SOCS4: variants seen among roughly 807,000 people sequenced by gnomAD.
SOCS4 encodes suppressor of cytokine signaling 4.
In SOCS4, 20 loss-of-function variants were observed where a neutral mutation model predicts 34.1. The observed-to-expected ratio is 0.59, with a 90% CI of 0.41 to 0.85. The LOEUF (loss-of-function observed/expected upper bound fraction) is 0.85. SOCS4 is among the 40% of genes least tolerant of loss of function. SOCS4 has a pLI of 0.00. For synonymous variants in SOCS4, 180 were observed against 186.4 expected, an observed-to-expected ratio of 0.97 and a Z score of 0.28; for missense variants, 479 against 532.4, an observed-to-expected ratio of 0.90 and a Z score of 0.99.
rs1435311641 is a variant in SOCS4 at position 55,044,840 on chromosome 14, G to C, written c.*476G>C. The C allele has an allele frequency of 6.0e-6, 1 of 166,942 alleles. No individual in the cohort carries two copies. The highest frequency in any genetic ancestry group is 1.5e-5 in the Non-Finnish European group (1 of 68,122). 10.3% of individuals were successfully genotyped at this position (166,942 alleles called of 1,614,324 possible). A position where few individuals can be genotyped will look rare whatever the true frequency, so the allele number is the denominator to read the frequency against. On this transcript the variant is annotated 3_prime_UTR_variant, in exon 3 of 3. Transcript: ENST00000555846. ...AGTTCCCCGTCCCCCTTTTCATTGA[G>C]TTTGATATTCTTCAGTAAAGCTGAA...
At chr14:55,041,454 C>G (rs1318608886) in intron 2 of SOCS4, among the ~76,000 whole-genome samples, 2 of 151,560 alleles carry the variant, frequency 1.3e-5, no homozygotes, top group African/African-American at 4.9e-5. Context: ...TTATAGGACC[C>G]CTTCCCCAAG....
chr14:55,037,299 T>C (rs1385472699), intron 2 of SOCS4, among the ~76,000 whole-genome samples: 2 of 149,752 alleles, frequency 1.3e-5, no homozygotes, highest in African/African-American at 4.9e-5. Flanking sequence ...TGCCTACCAC[T>C]GTGCCCAGCT....
intron 1 of SOCS4, among the ~76,000 whole-genome samples, chr14:55,029,588 G>A (rs2042510213): frequency 6.6e-6 from 1 of 152,160 alleles, no homozygotes; most frequent in Non-Finnish European, 1.5e-5. Flanking sequence ...ATTTATCTAA[G>A]AGGATATATC....
intron 2 of SOCS4, among the ~76,000 whole-genome samples, chr14:55,033,072 G>A (rs181374709): frequency 7.2e-5 from 11 of 152,222 alleles, no homozygotes; most frequent in Admixed American, 6.5e-4. Context: ...GTGAGCCACC[G>A]CGCCCGGCCC....
chr14:55,043,721 A>G lies in SOCS4; in HGVS notation c.680A>G (p.Asp227Gly). Residue 227 changes from aspartate to glycine, a missense_variant, in exon 3 of 3, where the codon GAT becomes GGT. Coordinates refer to ENST00000555846, the MANE Select transcript of SOCS4 (RefSeq NM_199421.2). ...TCAAATAACAGTATAGAAGATAGTG[A>G]TATGGATTCCGATGATGAAATTCTA... ...LVSNNSIEDSDMDSDDEILTL... is the reference protein window; with the variant it reads ...LVSNNSIEDSGMDSDDEILTL... The G allele has an allele frequency of 6.2e-7, 1 of 1,614,182 alleles. No individual in the cohort carries two copies. The highest frequency in any genetic ancestry group is 8.5e-7 in the Non-Finnish European group (1 of 1,180,006).
In SOCS4 at chr14:55,045,560, A is replaced by G. The variant is rs1002183092; in HGVS notation, c.*1196A>G. The G allele has an allele frequency of 1.2e-5, 2 of 166,940 alleles. No homozygotes were observed. The highest frequency in any genetic ancestry group is 4.8e-5 in the African/African-American group (2 of 41,460). The allele number at this position is 166,940 out of a possible 1,614,324, so 10.3% of individuals were successfully genotyped here. A position where few individuals can be genotyped will look rare whatever the true frequency, so the allele number is the denominator to read the frequency against. Reference sequence around the variant, plus strand: ...GACAGCTACATGACTTACACCATACAGAACAGTACTGGACAAAAGGGGTGA... The same window carrying G: ...GACAGCTACATGACTTACACCATACGGAACAGTACTGGACAAAAGGGGTGA... On this transcript the variant is annotated 3_prime_UTR_variant, in exon 3 of 3. Coordinates refer to ENST00000555846, the MANE Select transcript of SOCS4 (RefSeq NM_199421.2).
At chr14:55,039,035 C>T (rs1261631219) in intron 2 of SOCS4, among the ~76,000 whole-genome samples, 1 of 152,148 alleles carries the variant, frequency 6.6e-6, no homozygotes, top group African/African-American at 2.4e-5. Context: ...GGACTGACTT[C>T]TGAGAGAAGG....
In SOCS4 at chr14:55,046,069, C is replaced by T. The variant is rs1352567066; in HGVS notation, c.*1705C>T. The T allele has an allele frequency of 6.0e-6, 1 of 165,840 alleles. No individual in the cohort carries two copies. The highest frequency in any genetic ancestry group is 1.5e-5 in the Non-Finnish European group (1 of 67,964). The allele number at this position is 165,840 out of a possible 1,614,324, so 10.3% of individuals were successfully genotyped here. A position where few individuals can be genotyped will look rare whatever the true frequency, so the allele number is the denominator to read the frequency against. On this transcript the variant is annotated 3_prime_UTR_variant, in exon 3 of 3. Coordinates refer to ENST00000555846, the MANE Select transcript of SOCS4 (RefSeq NM_199421.2). ...AGTGATCTCAAGATTGTCTTAGTCT[C>T]AATGAGATGTAGCTACAAAAATGGC...
intron 1 of SOCS4, among the ~76,000 whole-genome samples, chr14:55,030,568 T>C (rs969061946): frequency 2.6e-5 from 4 of 152,296 alleles, no homozygotes; most frequent in South Asian, 4.1e-4. Flanking sequence ...CTCTCATTTT[T>C]AGAAATGTAC....
At position 55,043,126 on chromosome 14, in the gene SOCS4, G is replaced by T. The variant is rs201252248; in HGVS notation, c.85G>T (p.Gly29Cys). 6.2e-7 allele frequency: 1 copy of T among 1,614,060 alleles called. No individual in the cohort carries two copies. The highest frequency in any genetic ancestry group is 1.3e-5 in the African/African-American group (1 of 74,912). The part of the protein sequence containing the change: ...SRSRSADRKD[G>C]YVWSGKKLSW... The stretch of plus-strand genomic sequence containing the variant: ...GAGCAGAAGTGCCGACAGAAAAGAC[G>T]GTTATGTGTGGAGTGGAAAGAAGTT... The change falls in exon 3 of 3, where the codon GGT becomes TGT. Residue 29 changes from glycine to cysteine, a missense_variant. Transcript: ENST00000555846.
At chr14:55,029,524 T>C (rs1445111697) in intron 1 of SOCS4, among the ~76,000 whole-genome samples, 3 of 152,232 alleles carry the variant, frequency 2.0e-5, no homozygotes, top group East Asian at 1.9e-4. Context: ...CATGGGTACA[T>C]TGCCATTCTA....
In SOCS4 at chr14:55,048,417, A is replaced by G. The variant is rs1282209299; in HGVS notation, c.*4053A>G. ...AAAATAGCCTGTGTAATGTTAGGTAATGTAATGCCCAAGTGAATAAAAGAT... is the reference window on the plus strand; with the variant it reads ...AAAATAGCCTGTGTAATGTTAGGTAGTGTAATGCCCAAGTGAATAAAAGAT... On this transcript the variant is annotated 3_prime_UTR_variant, in exon 3 of 3. Coordinates refer to ENST00000555846, the MANE Select transcript of SOCS4 (RefSeq NM_199421.2). 1 of 167,124 alleles carries G rather than the reference A, an allele frequency of 6.0e-6. No individual in the cohort carries two copies. The highest frequency in any genetic ancestry group is 2.4e-5 in the African/African-American group (1 of 41,482). The allele number at this position is 167,124 out of a possible 1,614,324, so 10.4% of individuals were successfully genotyped here. A position where few individuals can be genotyped will look rare whatever the true frequency, so the allele number is the denominator to read the frequency against.
At chr14:55,041,572 G>A (rs1249427897) in intron 2 of SOCS4, among the ~76,000 whole-genome samples, 6 of 151,300 alleles carry the variant, frequency 4.0e-5, no homozygotes, top group Non-Finnish European at 5.9e-5. Flanking sequence ...TCTGCCTCCC[G>A]GGTTCAAGCA....
intron 2 of SOCS4, among the ~76,000 whole-genome samples, chr14:55,037,073 G>T (rs542067028): frequency 1.3e-5 from 2 of 152,034 alleles, no homozygotes; most frequent in African/African-American, 4.8e-5. Flanking sequence ...GCTGAGATCA[G>T]TGCCACTGTA....
At chr14:55,037,461 A>G (rs927196675) in intron 2 of SOCS4, among the ~76,000 whole-genome samples, 1 of 151,412 alleles carries the variant, frequency 6.6e-6, no homozygotes, top group African/African-American at 2.4e-5. Flanking sequence ...TTAATTTCCA[A>G]AAAAATTCTT....
At position 55,043,485 on chromosome 14, in the gene SOCS4, A is replaced by G. The variant is rs2042640331; in HGVS notation, c.444A>G (p.Lys148=). 2 of 1,614,196 alleles carry G rather than the reference A, an allele frequency of 1.2e-6. No homozygotes were observed. The highest frequency in any genetic ancestry group is 1.7e-6 in the Non-Finnish European group (2 of 1,180,046). Residue 148 remains lysine (K), a synonymous_variant, in exon 3 of 3, where the codon AAA becomes AAG. Coordinates refer to ENST00000555846, the MANE Select transcript of SOCS4 (RefSeq NM_199421.2). The stretch of plus-strand genomic sequence containing the variant: ...TAGCCTTTAGGTGGCATTTTATTAA[A>G]CGACACACTGCTCCTATAAATTCCA... ...SDLAFRWHFI[K]RHTAPINSKS...
rs555928416 is a variant in SOCS4 at position 55,048,457 on chromosome 14, A to G, written c.*4093A>G. 2.5e-4 allele frequency: 41 copies of G among 166,992 alleles called. No individual in the cohort carries two copies. Among genetic ancestry groups the G allele is most frequent in the South Asian group, 1.0e-3 (5 of 4,836 alleles). 10.3% of individuals were successfully genotyped at this position (166,992 alleles called of 1,614,324 possible). ...GAATAAAAGATTTTTCGTCAAGCAA[A>G]CTACTGTTTCTACTTTGGGGGAAAA... On this transcript the variant is annotated 3_prime_UTR_variant, in exon 3 of 3. Transcript: ENST00000555846.
chr14:55,040,944 T>C (rs1045481675), intron 2 of SOCS4, among the ~76,000 whole-genome samples: 43 of 149,826 alleles, frequency 2.9e-4, no homozygotes, highest in South Asian at 6.4e-4. Flanking sequence ...CAGACTGGAG[T>C]GCAGTGACAC....
chr14:55,037,120 TAAA>T (rs879833997), intron 2 of SOCS4, among the ~76,000 whole-genome samples: 7 of 142,028 alleles, frequency 4.9e-5, no homozygotes, highest in African/African-American at 1.8e-4. Flanking sequence ...CCTTTCTCAA[TAAA>T]AAAAAAAATT....
Sources: allele counts gnomAD v4.1 joint callset (sites outside exome capture counted in the v4.1 genomes callset), GRCh38; gene constraint gnomAD v4.1.1; transcripts MANE v1.5; gene names NCBI Gene and HGNC (gene_info 2026-07-23, HGNC 2026-07-21).